Variants in HEATR4 observed in about 807,000 individuals in gnomAD.
The protein encoded by HEATR4 is HEAT repeat containing 4.
Under a neutral mutation model 108.8 loss-of-function variants are expected in HEATR4, and 95 were observed. The observed-to-expected ratio is 0.87, with a 90% confidence interval of 0.74 to 1.04. The LOEUF (loss-of-function observed/expected upper bound fraction) is 1.04, where lower values mean the gene tolerates loss of function less well. HEATR4 is among the 50% of genes least tolerant of loss of function. The probability of loss-of-function intolerance (pLI) is 0.00; values close to 1 mark genes in which losing one functional copy is unlikely to be tolerated. For missense variants in HEATR4, 1,152 were observed against 1,253.8 expected (o/e 0.92, Z 1.23); for synonymous variants, 443 against 459.4 (o/e 0.96, Z 0.46).
intron 17 of HEATR4, 65 bp from the exon 18 acceptor site, chr14:73,478,907 A>G: frequency 3.2e-6 from 4 of 1,252,090 alleles, no homozygotes; most frequent in Non-Finnish European, 4.5e-6. Flanking sequence ...GGCAGAGCCC[A>G]AGTGAAGGCC....
Position 73,508,192 on chromosome 14 carries a change from T to G in HEATR4, c.1823A>C (p.Lys608Thr). 1 of 1,614,142 alleles carries G rather than the reference T, an allele frequency of 6.2e-7. No individual in the cohort carries two copies. Among genetic ancestry groups the G allele is most frequent in the Non-Finnish European group, 8.5e-7 (1 of 1,179,982 alleles). ...KRILHQLFTK[K>T]NEDTEEQSYI... ...AGACTGTTCCTCAGTGTCCTCATTCTTCTTTGTAAACAGCTGGTGGAGGAT... is the reference window on the plus strand; with the variant it reads ...AGACTGTTCCTCAGTGTCCTCATTCGTCTTTGTAAACAGCTGGTGGAGGAT... The change falls in exon 9 of 18, where the codon AAG becomes ACG. Residue 608 changes from lysine to threonine, a missense_variant. By Grantham distance (78) the Lys-to-Thr change is moderately conservative (BLOSUM62 -1). Transcript: ENST00000553558.
chr14:73,586,851 T>G, the HEATR4 span, among the ~76,000 whole-genome samples: 1 of 152,144 alleles, frequency 6.6e-6, no homozygotes, highest in Non-Finnish European at 1.5e-5. Flanking sequence ...TAGCTGAGAC[T>G]GCAGGTATGC....
chr14:73,508,935 C>T (rs1232699346), intron 8 of HEATR4, among the ~76,000 whole-genome samples: 1 of 151,732 alleles, frequency 6.6e-6, no homozygotes, highest in African/African-American at 2.4e-5. Flanking sequence ...AGCTTCAACC[C>T]CCTGGGCTCA....
chr14:73,521,072 G>T, intron 3 of HEATR4, 33 bp from the exon 4 acceptor site: 1 of 1,580,330 alleles, frequency 6.3e-7, no homozygotes, highest in Non-Finnish European at 8.7e-7. Context: ...GGAAAAGGGG[G>T]AAAGAGTAGG....
chr14:73,559,005 C>T, upstream of HEATR4: 1 of 151,914 alleles, frequency 6.6e-6, no homozygotes, highest in African/African-American at 2.4e-5. Flanking sequence ...TGAGTCTACT[C>T]AGAGAACTTG....
In HEATR4 at chr14:73,548,181, A is replaced by T. The variant is rs1230381728; in HGVS notation, c.-152+10570T>A. 5.2e-5 allele frequency among the ~76,000 whole-genome samples: 6 copies of T among 116,034 alleles called. 2 individuals carry two copies. Among genetic ancestry groups the T allele is most frequent in the Non-Finnish European group, 9.4e-5 (5 of 53,008 alleles). 76.1% of individuals were successfully genotyped at this position (116,034 alleles called of 152,430 possible). A position where few individuals can be genotyped will look rare whatever the true frequency, so the allele number is the denominator to read the frequency against. On this transcript the variant is annotated intron_variant, in intron 1 of 17. Transcript: ENST00000553558. ...GGCCTCAGGTGAGCCTCCTGTAATC[A>T]GTAGAAGGGTCCAGCTGCCAGCCAC...
intron 15 of HEATR4, 66 bp downstream of exon 15, chr14:73,496,535 A>G (rs1409584949): frequency 6.3e-6 from 6 of 952,002 alleles, no homozygotes; most frequent in Non-Finnish European, 8.6e-6. Flanking sequence ...TTTGAGGAGG[A>G]CAGGGTCTGA....
At chr14:73,626,789 CTTTTTTTTT>C in the HEATR4 span, among the ~76,000 whole-genome samples, 2 of 82,348 alleles carry the variant, frequency 2.4e-5, no homozygotes, top group African/African-American at 6.2e-5. Context: ...GACAAACAGC[CTTTTTTTTT>C]TTTTTTTTTT....
chr14:73,623,552 T>A, the HEATR4 span, among the ~76,000 whole-genome samples: 1 of 152,026 alleles, frequency 6.6e-6, no homozygotes. Flanking sequence ...CCAGGTATGG[T>A]AATGAGCACC....
the HEATR4 span, among the ~76,000 whole-genome samples, chr14:73,603,654 A>G: frequency 6.6e-6 from 1 of 152,094 alleles, no homozygotes; most frequent in Non-Finnish European, 1.5e-5. Flanking sequence ...TATTTCCCAA[A>G]GACTACTAAA....
chr14:73,515,094 A>G (rs757286217), intron 5 of HEATR4, among the ~76,000 whole-genome samples: 8 of 151,728 alleles, frequency 5.3e-5, no homozygotes, highest in African/African-American at 1.2e-4. Flanking sequence ...AAAAAAAACT[A>G]TAGTTATATT....
At chr14:73,560,506 CAA>C (rs1397248456), upstream of HEATR4, among the ~76,000 whole-genome samples, 1 of 151,376 alleles carries the variant, frequency 6.6e-6, no homozygotes. Context: ...ACTAAAAATA[CAA>C]AAAAATTAGC....
chr14:73,493,193 C>T (rs1340867599), intron 16 of HEATR4, 69 bp from the exon 17 acceptor site: 22 of 1,265,578 alleles, frequency 1.7e-5, no homozygotes, highest in Non-Finnish European at 2.5e-5. Flanking sequence ...CATTTCAGAG[C>T]ACCAACTTCA....
At chr14:73,489,165 T>G (rs992913122) in intron 17 of HEATR4, among the ~76,000 whole-genome samples, 3 of 152,214 alleles carry the variant, frequency 2.0e-5, no homozygotes, top group Admixed American at 6.5e-5. Flanking sequence ...AGGGTTGTCC[T>G]TAGTATTGTA....
At chr14:73,481,859 A>C (rs1245854795) in intron 17 of HEATR4, among the ~76,000 whole-genome samples, 1 of 151,870 alleles carries the variant, frequency 6.6e-6, no homozygotes, top group African/African-American at 2.4e-5. Flanking sequence ...AAAAATAAAA[A>C]AATAAAAACA....
At chr14:73,514,382 G>A (rs1595120798) in intron 5 of HEATR4, 148 bp from the exon 6 acceptor site, 6 of 670,818 alleles carry the variant, frequency 8.9e-6, no homozygotes, top group Middle Eastern at 4.2e-4. Context: ...GATTATATGG[G>A]GAACTGAGTA....
the HEATR4 span, chr14:73,595,535 A>G: frequency 1.8e-5 from 29 of 1,610,882 alleles, no homozygotes; most frequent in Non-Finnish European, 2.2e-5. Flanking sequence ...CAAACATGTT[A>G]TATGGGGTGG....
rs1566841971 is a variant in HEATR4 at position 73,523,190 on chromosome 14, G to C, written c.-38C>G. 6.6e-7 allele frequency: 1 copy of C among 1,521,592 alleles called. No homozygotes were observed. Among genetic ancestry groups the C allele is most frequent in the African/African-American group, 1.4e-5 (1 of 73,206 alleles). 94.3% of individuals were successfully genotyped at this position (1,521,592 alleles called of 1,614,324 possible). On this transcript the variant is annotated 5_prime_UTR_variant, in exon 3 of 18. Transcript: ENST00000553558. ...CAAATGCTTCCTTCCACACTGCCTG[G>C]CCTAGAGGAAAGGCCTGGAGATGAG...
chr14:73,621,761 CTT>C, the HEATR4 span, among the ~76,000 whole-genome samples: 6,443 of 108,832 alleles, frequency 0.059, 97 homozygotes, highest in East Asian at 0.13. Context: ...TTCTTTCTTT[CTT>C]TTTTTTTTTT....
Sources: gnomAD v4.1 joint callset for allele counts (sites outside exome capture counted in the v4.1 genomes callset) on GRCh38, gnomAD v4.1.1 for gene constraint, MANE v1.5 for transcripts, NCBI Gene and HGNC (gene_info 2026-07-23, HGNC 2026-07-21) for gene names.